CDH23: variants seen among roughly 807,000 people sequenced by gnomAD.
CDH23 encodes the protein cadherin-23.
Under a neutral mutation model 317.1 loss-of-function variants are expected in CDH23, and 189 were observed. That is an observed-to-expected ratio of 0.60 (90% CI 0.53 to 0.67). The LOEUF is 0.67. CDH23 is among the 30% of genes least tolerant of loss of function. CDH23 has a pLI of 0.00. For synonymous variants in CDH23, 1,839 were observed against 1,876.8 expected, an observed-to-expected ratio of 0.98 and a Z score of 0.52; for missense variants, 4,401 against 4,592.4, an observed-to-expected ratio of 0.96 and a Z score of 1.20.
intron 2 of CDH23, among the ~76,000 whole-genome samples, chr10:71,440,360 G>A (rs1156954491): frequency 6.6e-6 from 1 of 152,200 alleles, no homozygotes; most frequent in Non-Finnish European, 1.5e-5. Context: ...GACACATGCA[G>A]GATTTCCTAT....
chr10:71,464,067 CAG>C (rs1377305321), intron 3 of CDH23, among the ~76,000 whole-genome samples: 1 of 152,184 alleles, frequency 6.6e-6, no homozygotes. Flanking sequence ...TGGAGGCAAA[CAG>C]AGTTGAAGTG....
intron 14 of CDH23, among the ~76,000 whole-genome samples, chr10:71,658,294 G>A (rs1011194259): frequency 2.7e-5 from 4 of 150,024 alleles, no homozygotes; most frequent in Non-Finnish European, 4.5e-5. Context: ...GCGAGAGATG[G>A]AGAGAGAGAG....
At chr10:71,409,234 G>A (rs1024529121) in intron 1 of CDH23, among the ~76,000 whole-genome samples, 10 of 152,316 alleles carry the variant, frequency 6.6e-5, no homozygotes, top group African/African-American at 2.4e-4. Context: ...CTTCTAATGT[G>A]TGGGGTCCGT....
At chr10:71,542,092 A>G (rs751608122) in intron 6 of CDH23, among the ~76,000 whole-genome samples, 17 of 152,156 alleles carry the variant, frequency 1.1e-4, no homozygotes, top group Non-Finnish European at 1.5e-5. Context: ...TGTGAGAGGC[A>G]GTGGCTTGGT....
intron 38 of CDH23, among the ~76,000 whole-genome samples, chr10:71,744,924 A>G (rs1323340363): frequency 2.0e-5 from 3 of 152,254 alleles, no homozygotes; most frequent in South Asian, 2.1e-4. Context: ...GAATCCATCC[A>G]TCTTCAATTT....
At chr10:71,685,831 G>T (rs905718107) in intron 18 of CDH23, among the ~76,000 whole-genome samples, 1 of 152,220 alleles carries the variant, frequency 6.6e-6, no homozygotes, top group African/African-American at 2.4e-5. Context: ...ACCACCTTCA[G>T]GGTGATTTTG....
chr10:71,453,186 G>A (rs1850531459), intron 3 of CDH23, among the ~76,000 whole-genome samples: 1 of 152,242 alleles, frequency 6.6e-6, no homozygotes, highest in African/African-American at 2.4e-5. Flanking sequence ...AATTAGTCTT[G>A]TCAAGAGCCA....
chr10:71,416,249 T>G (rs114941133), intron 1 of CDH23, among the ~76,000 whole-genome samples: 2,932 of 152,258 alleles, frequency 0.019, 88 homozygotes, highest in African/African-American at 0.067. Flanking sequence ...GCTCTAGAAC[T>G]CCTGACCTCA....
chr10:71,540,420 G>C (rs80285740), intron 6 of CDH23, among the ~76,000 whole-genome samples: 6,333 of 152,100 alleles, frequency 0.042, 240 homozygotes, highest in South Asian at 0.15. Flanking sequence ...TGTCTCACCC[G>C]CCCCAGCCTT....
chr10:71,640,325 C>A (rs1006060027), intron 11 of CDH23, among the ~76,000 whole-genome samples: 1 of 152,252 alleles, frequency 6.6e-6, no homozygotes, highest in Non-Finnish European at 1.5e-5. Flanking sequence ...TGCTCATCCA[C>A]CATACCTTAC....
At chr10:71,707,371 C>T in intron 26 of CDH23, 3 of 1,367,836 alleles carry the variant, frequency 2.2e-6, no homozygotes, top group African/African-American at 2.9e-5. Context: ...GAGCCCCACT[C>T]CCCGCCCCAA....
intron 14 of CDH23, among the ~76,000 whole-genome samples, chr10:71,667,955 C>T (rs1276890433): frequency 6.6e-6 from 1 of 152,142 alleles, no homozygotes; most frequent in Non-Finnish European, 1.5e-5. Context: ...TGCAGCCAGC[C>T]AGACTGCCCC....
intron 6 of CDH23, among the ~76,000 whole-genome samples, chr10:71,514,447 G>A (rs540346972): frequency 6.6e-6 from 1 of 152,282 alleles, no homozygotes; most frequent in Admixed American, 6.5e-5. Context: ...CTGGAGACAT[G>A]ACCCACCTGG....
intron 3 of CDH23, among the ~76,000 whole-genome samples, chr10:71,452,188 G>A (rs750010): frequency 0.34 from 52,235 of 151,946 alleles, 11,133 homozygotes; most frequent in East Asian, 0.48. Flanking sequence ...GGGGAAGAAC[G>A]CAGAGGTAGC....
At chr10:71,762,135 G>A in intron 38 of CDH23, 2 of 1,292,874 alleles carry the variant, frequency 1.5e-6, no homozygotes, top group Non-Finnish European at 2.1e-6. Context: ...CACAGGCCAG[G>A]GGCATGTCAG....
At chr10:71,736,097 C>T (rs1481933131) in intron 34 of CDH23, among the ~76,000 whole-genome samples, 2 of 152,244 alleles carry the variant, frequency 1.3e-5, no homozygotes, top group African/African-American at 2.4e-5. Flanking sequence ...GGTCCCCCTG[C>T]GTGGACTGCC....
At chr10:71,648,972 G>C (rs555494946) in intron 14 of CDH23, among the ~76,000 whole-genome samples, 1 of 152,182 alleles carries the variant, frequency 6.6e-6, no homozygotes, top group Non-Finnish European at 1.5e-5. Flanking sequence ...GGGACCCCGC[G>C]TGCTGGCCTA....
chr10:71,735,205 C>A (rs932607408), intron 34 of CDH23, among the ~76,000 whole-genome samples: 1 of 152,150 alleles, frequency 6.6e-6, no homozygotes, highest in Non-Finnish European at 1.5e-5. Context: ...GGGGTTGGTG[C>A]AAGTGTGTGG....
At chr10:71,680,033 C>A (rs1022009275) in intron 17 of CDH23, among the ~76,000 whole-genome samples, 4 of 152,196 alleles carry the variant, frequency 2.6e-5, no homozygotes, top group African/African-American at 9.6e-5. Flanking sequence ...CTGAGCTCAC[C>A]CTGCAAAGCT....
Sources: allele counts gnomAD v4.1 joint callset (sites outside exome capture counted in the v4.1 genomes callset), GRCh38; gene constraint gnomAD v4.1.1; transcripts MANE v1.5; gene names NCBI Gene and HGNC (gene_info 2026-07-23, HGNC 2026-07-21).